Variants in EIPR1 observed in about 807,000 individuals in gnomAD.
EIPR1 encodes the protein EARP and GARP complex-interacting protein 1.
In EIPR1, 25 loss-of-function variants were observed where a neutral mutation model predicts 48.1. The ratio of observed to expected loss-of-function variants is 0.52; its 90% confidence interval spans 0.38 to 0.73. The LOEUF (loss-of-function observed/expected upper bound fraction) is 0.73, where lower values mean the gene tolerates loss of function less well. EIPR1 is among the 30% of genes least tolerant of loss of function. EIPR1 has a pLI of 0.00. For synonymous variants in EIPR1, 204 were observed against 201.9 expected, an observed-to-expected ratio of 1.01 and a Z score of -0.09; for missense variants, 415 against 506.2, an observed-to-expected ratio of 0.82 and a Z score of 1.73.
chr2:3,361,821 C>G (rs1372350458), intron 1 of EIPR1, among the ~76,000 whole-genome samples: 1 of 151,830 alleles, frequency 6.6e-6, no homozygotes, highest in African/African-American at 2.4e-5. Context: ...CTCACACGGG[C>G]ACCTCCACCA....
intron 1 of EIPR1, among the ~76,000 whole-genome samples, chr2:3,370,609 G>A (rs576641673): frequency 4.6e-5 from 7 of 150,858 alleles, no homozygotes; most frequent in Non-Finnish European, 7.4e-5. Context: ...CTCAGGAGCC[G>A]ATGCGATCAA....
chr2:3,194,699 G>T (rs1199546724), intron 6 of EIPR1, among the ~76,000 whole-genome samples: 1 of 151,892 alleles, frequency 6.6e-6, no homozygotes, highest in East Asian at 1.9e-4. Flanking sequence ...GAGAGAAAGG[G>T]GGGGGCAGTG....
chr2:3,215,421 T>C (rs1401937017), intron 4 of EIPR1, among the ~76,000 whole-genome samples: 1 of 152,206 alleles, frequency 6.6e-6, no homozygotes, highest in East Asian at 1.9e-4. Flanking sequence ...CATTTCCTAA[T>C]GTTTGAGCCA....
At chr2:3,199,061 G>GCCCCCCCCCCCCCCC (rs1334678710) in intron 5 of EIPR1, among the ~76,000 whole-genome samples, 1 of 22,592 alleles carries the variant, frequency 4.4e-5, no homozygotes. Context: ...ATTTTAGAGG[G>GCCCCCCCCCCCCCCC]CCCCCCCCCC....
intron 3 of EIPR1, among the ~76,000 whole-genome samples, chr2:3,290,554 A>T (rs1484201819): frequency 6.6e-6 from 1 of 152,230 alleles, no homozygotes; most frequent in Non-Finnish European, 1.5e-5. Context: ...CCTTAAAAAA[A>T]TAGACTTAGT....
chr2:3,357,023 C>G (rs1670745772), intron 1 of EIPR1, among the ~76,000 whole-genome samples: 1 of 152,110 alleles, frequency 6.6e-6, no homozygotes, highest in Non-Finnish European at 1.5e-5. Flanking sequence ...TGTAACTTCA[C>G]TGTAGCCTCT....
rs929226047 is a variant in EIPR1, at chr2:3,286,624, G to C, written c.260-29169C>G. Among the ~76,000 whole-genome samples the C allele has an allele frequency of 1.1e-4, 16 of 152,228 alleles. No individual in the cohort carries two copies. Among genetic ancestry groups the C allele is most frequent in the Non-Finnish European group, 2.1e-4 (14 of 68,034 alleles). ...ATGCAGTGTGCTCCAGGGGAGCAGG[G>C]GATCTCACAGTCCAGAGTGCCCCGC... On this transcript the variant is annotated intron_variant, in intron 3 of 8. Coordinates refer to ENST00000382125, the MANE Select transcript of EIPR1 (RefSeq NM_003310.5). The surrounding 1 kb of genome is among the most constrained non-coding windows in gnomAD (Gnocchi z 4.2).
At chr2:3,245,844 C>T (rs778497960) in intron 4 of EIPR1, among the ~76,000 whole-genome samples, 4 of 152,192 alleles carry the variant, frequency 2.6e-5, no homozygotes, top group Admixed American at 1.3e-4. Context: ...GGACTGCTTG[C>T]GCCCAGCAGT....
chr2:3,241,052 C>T (rs1666603052), intron 4 of EIPR1, among the ~76,000 whole-genome samples: 1 of 146,078 alleles, frequency 6.8e-6, no homozygotes, highest in Non-Finnish European at 1.5e-5. Context: ...AAAGCAAAGC[C>T]AGCAGATCCT....
intron 3 of EIPR1, among the ~76,000 whole-genome samples, chr2:3,285,885 A>G (rs1558273679): frequency 7.5e-6 from 1 of 133,748 alleles, no homozygotes. Context: ...GAAGTCACCA[A>G]CTGTCTCCGG....
At chr2:3,192,168 A>T (rs1322865829) in intron 8 of EIPR1, among the ~76,000 whole-genome samples, 1 of 152,244 alleles carries the variant, frequency 6.6e-6, no homozygotes, top group Non-Finnish European at 1.5e-5. Flanking sequence ...ATTCAATAAG[A>T]ATACAAACAC....
intron 1 of EIPR1, among the ~76,000 whole-genome samples, chr2:3,367,401 G>GA (rs1220619008): frequency 6.6e-6 from 1 of 152,196 alleles, no homozygotes; most frequent in East Asian, 1.9e-4. Context: ...AGATTAACAA[G>GA]TCAACACTGT....
chr2:3,236,396 G>A (rs767896035), intron 4 of EIPR1, among the ~76,000 whole-genome samples: 1 of 152,218 alleles, frequency 6.6e-6, no homozygotes, highest in Non-Finnish European at 1.5e-5. Context: ...ATGAGCAGAG[G>A]CTGGGACTGA....
intron 3 of EIPR1, among the ~76,000 whole-genome samples, chr2:3,287,723 G>A (rs541806033): frequency 7.3e-5 from 11 of 149,726 alleles, no homozygotes; most frequent in East Asian, 2.0e-4. Context: ...CAGAAAGCTC[G>A]TTCACCACGC....
chr2:3,353,601 TTATAAC>T (rs1435205648), intron 2 of EIPR1, among the ~76,000 whole-genome samples: 17 of 152,318 alleles, frequency 1.1e-4, no homozygotes, highest in African/African-American at 3.1e-4. Context: ...TTGTAAGTTT[TTATAAC>T]TATAAGTATC....
At chr2:3,304,297 C>T (rs958857767) in intron 3 of EIPR1, among the ~76,000 whole-genome samples, 2 of 152,186 alleles carry the variant, frequency 1.3e-5, no homozygotes, top group Non-Finnish European at 2.9e-5. Context: ...GGGTTCCCAG[C>T]GTTTCTCAGA....
intron 3 of EIPR1, among the ~76,000 whole-genome samples, chr2:3,315,167 CACCACCCCCT>C (rs201622056): frequency 0.048 from 7 of 146 alleles, no homozygotes; most frequent in Non-Finnish European, 0.11. Flanking sequence ...CTACCATCAT[CACCACCCCCT>C]ACCACCACCA....
At position 3,202,173 on chromosome 2, in the gene EIPR1, G is replaced by A. The variant is rs546191391; in HGVS notation, c.517-5156C>T. On this transcript the variant is annotated intron_variant, in intron 5 of 8. Transcript: ENST00000382125. Reference sequence around the variant, plus strand: ...AGGATGGTCTCGATCTTCTGACCTTGTGATCCGTCCGCCTCGGCCTCCCAA... The same window carrying A: ...AGGATGGTCTCGATCTTCTGACCTTATGATCCGTCCGCCTCGGCCTCCCAA... 4.6e-5 allele frequency among the ~76,000 whole-genome samples: 7 copies of A among 152,338 alleles called. No individual in the cohort carries two copies. The East Asian group carries it at 7.7e-4, about 17-fold the overall frequency.
intron 4 of EIPR1, among the ~76,000 whole-genome samples, chr2:3,236,704 T>C (rs994187132): frequency 6.6e-6 from 1 of 152,072 alleles, no homozygotes; most frequent in African/African-American, 2.4e-5. Flanking sequence ...CTTCTCACAC[T>C]GACTGTGAGC....
Sources: allele counts gnomAD v4.1 joint callset (sites outside exome capture counted in the v4.1 genomes callset), GRCh38; gene constraint gnomAD v4.1.1; non-coding constraint Gnocchi (gnomAD v3.1); transcripts MANE v1.5; gene names NCBI Gene and HGNC (gene_info 2026-07-23, HGNC 2026-07-21).